Variants in RPS29 observed in about 807,000 individuals in gnomAD.
The protein encoded by RPS29 is ribosomal protein S29, also known as small ribosomal subunit protein uS14.
For synonymous variants in RPS29, 37 were observed against 26.9 expected (o/e 1.37, Z -1.16); for missense variants, 60 against 75.7 (o/e 0.79, Z 0.77).
chr14:49,580,202 C>T (rs1316420195), downstream of RPS29, among the ~76,000 whole-genome samples: 1 of 152,218 alleles, frequency 6.6e-6, no homozygotes, highest in African/African-American at 2.4e-5. Flanking sequence ...ACATATCACA[C>T]CCTTTTTGAC....
chr14:49,578,915 A>T (rs1041792864), downstream of RPS29, among the ~76,000 whole-genome samples: 1 of 152,126 alleles, frequency 6.6e-6, no homozygotes, highest in African/African-American at 2.4e-5. Flanking sequence ...TTTTCAAGAC[A>T]TACTACCTGG....
chr14:49,595,136 A>G (rs1372440151), intron 1 of RPS29, among the ~76,000 whole-genome samples: 15 of 151,900 alleles, frequency 9.9e-5, no homozygotes, highest in Admixed American at 9.8e-4. Flanking sequence ...AGACTGAAAG[A>G]GGTCTGATGC....
downstream of RPS29, among the ~76,000 whole-genome samples, chr14:49,583,226 T>G (rs1468087024): frequency 6.6e-6 from 1 of 152,136 alleles, no homozygotes; most frequent in Non-Finnish European, 1.5e-5. Flanking sequence ...TTGATACAAG[T>G]TTATTGAGAA....
At chr14:49,576,729 T>C (rs1441534124) in exon 3 of RPS29, 3 of 152,026 alleles carry the variant, frequency 2.0e-5, no homozygotes, top group Non-Finnish European at 4.4e-5. Flanking sequence ...AACTGAATCA[T>C]GGGAGCGGTT....
At chr14:49,583,493 G>GT (rs1351053897), downstream of RPS29, 85 of 609,716 alleles carry the variant, frequency 1.4e-4, no homozygotes, top group African/African-American at 1.5e-3. Context: ...CGACAGAGGG[G>GT]GACTCAGTCT....
chr14:49,592,240 G>A (rs1056043651), intron 1 of RPS29: 4 of 147,044 alleles, frequency 2.7e-5, no homozygotes, highest in African/African-American at 1.0e-4. Context: ...TTTTATTTTT[G>A]GCTAGTCAAG....
At chr14:49,582,552 G>C (rs1007233421), downstream of RPS29, among the ~76,000 whole-genome samples, 1 of 152,036 alleles carries the variant, frequency 6.6e-6, no homozygotes, top group African/African-American at 2.4e-5. Context: ...TGCTCTATCA[G>C]CATATAAATT....
upstream of RPS29, chr14:49,586,548 C>G (rs953621694): frequency 1.2e-5 from 7 of 597,466 alleles, no homozygotes; most frequent in African/African-American, 3.7e-5. Context: ...CATACCACAG[C>G]TTCTAGTGCT....
intron 1 of RPS29, among the ~76,000 whole-genome samples, chr14:49,596,411 T>C (rs1881823128): frequency 1.3e-5 from 2 of 152,130 alleles, no homozygotes; most frequent in South Asian, 2.1e-4. Flanking sequence ...AGATTTTATT[T>C]GTATGGTGGT....
exon 3 of RPS29, chr14:49,574,292 G>C (rs890558289): frequency 6.6e-6 from 1 of 152,156 alleles, no homozygotes; most frequent in African/African-American, 2.4e-5. Flanking sequence ...TGTACATGAA[G>C]CTACTGGTAC....
chr14:49,579,268 G>C (rs1325302821), downstream of RPS29, among the ~76,000 whole-genome samples: 1 of 152,230 alleles, frequency 6.6e-6, no homozygotes, highest in Non-Finnish European at 1.5e-5. Flanking sequence ...GCTCTCACCA[G>C]ACATGAAATC....
intron 2 of RPS29, among the ~76,000 whole-genome samples, chr14:49,578,307 TTA>T (rs1486304080): frequency 1.3e-5 from 2 of 152,114 alleles, no homozygotes; most frequent in Admixed American, 1.3e-4. Context: ...ACCAGGGACA[TTA>T]TACACTGCAG....
At chr14:49,589,730 T>A (rs1316755218), upstream of RPS29, among the ~76,000 whole-genome samples, 3 of 152,238 alleles carry the variant, frequency 2.0e-5, no homozygotes, top group Non-Finnish European at 4.4e-5. Flanking sequence ...GGCAAATGCA[T>A]ATGTATGTTC....
At position 49,583,674 on chromosome 14, in the gene RPS29, A is replaced by G; in HGVS notation, c.164T>C (p.Leu55Ser). 6.5e-7 allele frequency: 1 copy of G among 1,532,652 alleles called. No homozygotes were observed. Among genetic ancestry groups the G allele is most frequent in the Non-Finnish European group, 9.0e-7 (1 of 1,114,640 alleles). 94.9% of individuals were successfully genotyped at this position (1,532,652 alleles called of 1,614,324 possible). A position where few individuals can be genotyped will look rare whatever the true frequency, so the allele number is the denominator to read the frequency against. Residue 55 changes from leucine to serine, a missense_variant and splice_region_variant, in exon 3 of 3, where the codon TTG becomes TCG. Leu to Ser is a moderately radical substitution (Grantham distance 145). Coordinates refer to ENST00000245458, the MANE Select transcript of RPS29 (RefSeq NM_001032.5). Reference sequence around the variant, plus strand: ...CCTCTGAAGGAAGAGCATTTAGTCCAACTGAAAAAAAAAAAGCAGATGATT... The same window carrying G: ...CCTCTGAAGGAAGAGCATTTAGTCCGACTGAAAAAAAAAAAGCAGATGATT... ...QYAKDIGFIK[L>S]D
At chr14:49,592,493 G>A (rs1343335203) in intron 1 of RPS29, among the ~76,000 whole-genome samples, 3 of 149,114 alleles carry the variant, frequency 2.0e-5, no homozygotes, top group South Asian at 2.2e-4. Flanking sequence ...TCAGCCTCCC[G>A]AGTAGCTGGG....
exon 3 of RPS29, chr14:49,573,684 T>C (rs905406155): frequency 5.3e-5 from 8 of 152,220 alleles, no homozygotes; most frequent in Admixed American, 2.0e-4. Context: ...GTCAGCACTG[T>C]TGGAGTGGAC....
intron 1 of RPS29, among the ~76,000 whole-genome samples, chr14:49,594,459 A>T (rs1881779267): frequency 6.6e-6 from 1 of 152,230 alleles, no homozygotes; most frequent in Admixed American, 6.5e-5. Flanking sequence ...TTGATACGGC[A>T]GTGCTAAGAA....
At chr14:49,578,729 T>C (rs927205953), downstream of RPS29, among the ~76,000 whole-genome samples, 2 of 151,834 alleles carry the variant, frequency 1.3e-5, no homozygotes, top group Non-Finnish European at 2.9e-5. Context: ...CTCAACTAAT[T>C]TTTGTATTTT....
At chr14:49,587,719 C>T (rs186779319), upstream of RPS29, among the ~76,000 whole-genome samples, 44 of 152,286 alleles carry the variant, frequency 2.9e-4, no homozygotes, top group Non-Finnish European at 5.4e-4. Context: ...AACATATGTA[C>T]AGCTAAGGAA....
Sources: gnomAD v4.1 joint callset for allele counts (sites outside exome capture counted in the v4.1 genomes callset) on GRCh38, gnomAD v4.1.1 for gene constraint, MANE v1.5 for transcripts, NCBI Gene and HGNC (gene_info 2026-07-23, HGNC 2026-07-21) for gene names.